The following NAA50 variants were observed in gnomAD, a reference collection of about 807,000 sequenced individuals.
The protein encoded by NAA50 is N-alpha-acetyltransferase 50, NatE catalytic subunit.
Under a neutral mutation model 20.7 loss-of-function variants are expected in NAA50, and 7 were observed. The ratio of observed to expected loss-of-function variants is 0.34; its 90% confidence interval spans 0.19 to 0.63. The LOEUF (loss-of-function observed/expected upper bound fraction) is 0.63, where lower values mean the gene tolerates loss of function less well. Among genes scored for constraint, NAA50 ranks in the 30% least tolerant of loss-of-function variants. The pLI is 0.75. For synonymous variants in NAA50, 54 were observed against 70.6 expected, an observed-to-expected ratio of 0.77 and a Z score of 1.18; for missense variants, 111 against 199.1, an observed-to-expected ratio of 0.56 and a Z score of 2.66.
At chr3:113,739,750 A>G (rs551905589) in intron 1 of NAA50, among the ~76,000 whole-genome samples, 248 of 152,350 alleles carry the variant, frequency 1.6e-3, no homozygotes, top group African/African-American at 5.7e-3. Context: ...CTGTTGGCCC[A>G]CAAGTTGAAA....
chr3:113,739,943 TTAG>T (rs1319226299), intron 1 of NAA50, among the ~76,000 whole-genome samples: 1 of 152,212 alleles, frequency 6.6e-6, no homozygotes, highest in Non-Finnish European at 1.5e-5. Flanking sequence ...AAAAAAAAGT[TTAG>T]TATTCACATT....
Position 113,720,672 on chromosome 3 carries a change from A to G in NAA50, c.*1088T>C, listed in dbSNP as rs1708124278. 6.6e-6 allele frequency: 1 copy of G among 152,618 alleles called. No individual in the cohort carries two copies. The highest frequency in any genetic ancestry group is 2.1e-4 in the South Asian group (1 of 4,836). 9.5% of individuals were successfully genotyped at this position (152,618 alleles called of 1,614,324 possible). On this transcript the variant is annotated 3_prime_UTR_variant, in exon 5 of 5. Transcript: ENST00000240922. ...CTGGGATGTCCTCCAACAGATGTGC[A>G]ATAGCACAGCTATGTTATTCTCAAA...
Position 113,746,032 on chromosome 3 carries a change from C to A in NAA50, c.-83G>T, listed in dbSNP as rs1035676306. Reference sequence around the variant, plus strand: ...CCCTTAGGTCTCCGCACCCTTAGCTCGGGCCACTCAACCCCGCAAGCCGGC... The same window carrying A: ...CCCTTAGGTCTCCGCACCCTTAGCTAGGGCCACTCAACCCCGCAAGCCGGC... On this transcript the variant is annotated 5_prime_UTR_variant, in exon 1 of 5. Coordinates refer to ENST00000240922, the MANE Select transcript of NAA50 (RefSeq NM_025146.4). 2.6e-6 allele frequency: 4 copies of A among 1,567,116 alleles called. No individual in the cohort carries two copies. In the African/African-American group the frequency reaches 4.1e-5, roughly 16 times the overall value.
intron 1 of NAA50, among the ~76,000 whole-genome samples, chr3:113,724,846 G>A (rs1708181421): frequency 6.6e-6 from 1 of 152,166 alleles, no homozygotes; most frequent in Non-Finnish European, 1.5e-5. Flanking sequence ...TTTATAAGGA[G>A]GCTTTCCTTC....
At position 113,723,528 on chromosome 3, in the gene NAA50, A is replaced by G; in HGVS notation, c.159T>C (p.Asp53=). Residue 53 remains aspartate, a synonymous_variant, in exon 3 of 5, where the codon GAT becomes GAC. Transcript: ENST00000240922. ...GELAKLAYFN[D]IAVGAVCCRV... ...TACAGCATACTGCACCTACAGCAATATCATTGAAATAGGCTGCCAAGGAAA... is the reference window on the plus strand; with the variant it reads ...TACAGCATACTGCACCTACAGCAATGTCATTGAAATAGGCTGCCAAGGAAA... 1 of 1,604,090 alleles carries G rather than the reference A, an allele frequency of 6.2e-7. No individual in the cohort carries two copies. Among genetic ancestry groups the G allele is most frequent in the Non-Finnish European group, 8.5e-7 (1 of 1,176,084 alleles).
At chr3:113,734,266 A>G (rs1046490649) in intron 1 of NAA50, among the ~76,000 whole-genome samples, 1 of 152,186 alleles carries the variant, frequency 6.6e-6, no homozygotes, top group Non-Finnish European at 1.5e-5. Flanking sequence ...ATATGAACAT[A>G]AAGATGGGAA....
chr3:113,738,094 G>C (rs1050585454), intron 1 of NAA50, among the ~76,000 whole-genome samples: 4 of 152,144 alleles, frequency 2.6e-5, no homozygotes, highest in African/African-American at 7.2e-5. Flanking sequence ...CTGTATGCCT[G>C]CAAGTATCAG....
chr3:113,725,714 T>C lies in NAA50; in HGVS notation c.9-1619A>G, dbSNP rs991377603. On this transcript the variant is annotated intron_variant, in intron 1 of 4. Coordinates refer to ENST00000240922, the MANE Select transcript of NAA50 (RefSeq NM_025146.4). ...CTGGAAGGTCGAGGCTGCAGTAAGC[T>C]ATGATTGTGTACCATTGCATTCCAG... Among the ~76,000 whole-genome samples, 8 of 152,278 alleles carry C rather than the reference T, an allele frequency of 5.3e-5. No individual in the cohort carries two copies. In the South Asian group the frequency reaches 8.3e-4, roughly 16 times the overall value.
intron 1 of NAA50, among the ~76,000 whole-genome samples, chr3:113,735,864 G>A (rs974047157): frequency 1.3e-5 from 2 of 152,154 alleles, no homozygotes; most frequent in Non-Finnish European, 1.5e-5. Context: ...TGCATTTTTA[G>A]TAGAGACAGG....
chr3:113,722,014 T>G lies in NAA50; in HGVS notation c.333-77A>C, dbSNP rs1456971871. On this transcript the variant is annotated intron_variant, in intron 4 of 4. Transcript: ENST00000240922. ...GTTTTAAGCATTCTCCACAGATAGC[T>G]CCAAACATCTGTTACATTCTCTTTA... 5.3e-6 allele frequency: 7 copies of G among 1,316,674 alleles called. No homozygotes were observed. In the Admixed American group the frequency reaches 1.1e-4, roughly 21 times the overall value. The allele number at this position is 1,316,674 out of a possible 1,614,324, so 81.6% of individuals were successfully genotyped here. A position where few individuals can be genotyped will look rare whatever the true frequency, so the allele number is the denominator to read the frequency against.
intron 4 of NAA50, 139 bp downstream of exon 4, chr3:113,722,767 C>A: frequency 2.0e-6 from 2 of 1,008,632 alleles, no homozygotes; most frequent in Non-Finnish European, 2.8e-6. Context: ...AAACTAACAA[C>A]TACTCGAATA....
At chr3:113,735,467 G>T (rs906908610) in intron 1 of NAA50, among the ~76,000 whole-genome samples, 1 of 152,202 alleles carries the variant, frequency 6.6e-6, no homozygotes, top group East Asian at 1.9e-4. Context: ...AAGGGCTAAG[G>T]ATGGGCATAG....
intron 1 of NAA50, among the ~76,000 whole-genome samples, chr3:113,731,954 C>T (rs1708279391): frequency 6.6e-6 from 1 of 152,012 alleles, no homozygotes; most frequent in South Asian, 2.1e-4. Context: ...TGGACATACG[C>T]CTTAGTTTTT....
chr3:113,734,366 A>G (rs965331659), intron 1 of NAA50, among the ~76,000 whole-genome samples: 2 of 152,194 alleles, frequency 1.3e-5, no homozygotes, highest in African/African-American at 4.8e-5. Flanking sequence ...CTCACTACCC[A>G]GGTGACAAGA....
chr3:113,733,099 C>G (rs571597376), intron 1 of NAA50, among the ~76,000 whole-genome samples: 1 of 150,954 alleles, frequency 6.6e-6, no homozygotes, highest in Non-Finnish European at 1.5e-5. Context: ...ATTTTTTACA[C>G]TAATTTTGTA....
Position 113,722,980 on chromosome 3 carries a change from T to TA in NAA50, c.266-9dup. The TA allele has an allele frequency of 6.6e-7, 1 of 1,517,686 alleles. No homozygotes were observed. The highest frequency in any genetic ancestry group is 8.9e-7 in the Non-Finnish European group (1 of 1,123,080). 94.0% of individuals were successfully genotyped at this position (1,517,686 alleles called of 1,614,324 possible). A position where few individuals can be genotyped will look rare whatever the true frequency, so the allele number is the denominator to read the frequency against. Reference sequence around the variant, plus strand: ...GATTTAACATTTTAGTTCCTGTTAATAAAATAAATAACAAACACGTGACTT... The same window carrying TA: ...GATTTAACATTTTAGTTCCTGTTAATAAAAATAAATAACAAACACGTGACTT... On this transcript the variant is annotated splice_polypyrimidine_tract_variant and intron_variant, in intron 3 of 4. Coordinates refer to ENST00000240922, the MANE Select transcript of NAA50 (RefSeq NM_025146.4).
intron 1 of NAA50, among the ~76,000 whole-genome samples, chr3:113,737,308 G>T (rs954222440): frequency 6.6e-6 from 1 of 152,194 alleles, no homozygotes; most frequent in Non-Finnish European, 1.5e-5. Context: ...TAGAAGGGAG[G>T]TAATTTTTTC....
Position 113,721,637 on chromosome 3 carries a change from AG to A in NAA50, c.*122del, listed in dbSNP as rs1708136930. On this transcript the variant is annotated 3_prime_UTR_variant, in exon 5 of 5. Transcript: ENST00000240922. The stretch of plus-strand genomic sequence containing the variant: ...CTCTCAGAGAAAAGGAAAGGAAGAA[AG>A]AAAAACAAGAACAAGGAGGGAGAAA... 4.1e-6 allele frequency: 4 copies of A among 984,566 alleles called. No homozygotes were observed. The highest frequency in any genetic ancestry group is 6.1e-6 in the Non-Finnish European group (4 of 652,254). 61.0% of individuals were successfully genotyped at this position (984,566 alleles called of 1,614,324 possible). A position where few individuals can be genotyped will look rare whatever the true frequency, so the allele number is the denominator to read the frequency against.
intron 1 of NAA50, among the ~76,000 whole-genome samples, chr3:113,736,840 T>G (rs1261970824): frequency 6.6e-6 from 1 of 152,212 alleles, no homozygotes; most frequent in Non-Finnish European, 1.5e-5. Context: ...TGTGACTTTT[T>G]AAGTTATATA....
Sources: allele counts gnomAD v4.1 joint callset (sites outside exome capture counted in the v4.1 genomes callset), GRCh38; gene constraint gnomAD v4.1.1; transcripts MANE v1.5; gene names NCBI Gene and HGNC (gene_info 2026-07-23, HGNC 2026-07-21).